The following GJA3 variants were observed in gnomAD, a reference collection of about 807,000 sequenced individuals.
The protein encoded by GJA3 is gap junction protein alpha 3.
For missense variants in GJA3, 571 were observed against 620.3 expected, an observed-to-expected ratio of 0.92 and a Z score of 0.84; for synonymous variants, 297 against 292.6, an observed-to-expected ratio of 1.02 and a Z score of -0.15.
chr13:20,148,550 C>T lies in GJA3; in HGVS notation c.-17-5245G>A, dbSNP rs565378221. ...CTGGGATTACAGGTGTGAGCCACCG[C>T]GCCCAGCCTGATATCACTTTGTAAT... On this transcript the variant is annotated intron_variant, in intron 1 of 1. Transcript: ENST00000241125. Among the ~76,000 whole-genome samples the T allele has an allele frequency of 1.1e-4, 16 of 152,272 alleles. No individual in the cohort carries two copies. The South Asian group carries it at 2.9e-3, about 28-fold the overall frequency.
chr13:20,142,584 G>A lies in GJA3; in HGVS notation c.705C>T (p.Thr235=). 6.2e-7 allele frequency: 1 copy of A among 1,607,474 alleles called. No individual in the cohort carries two copies. Among genetic ancestry groups the A allele is most frequent in the Non-Finnish European group, 8.5e-7 (1 of 1,177,510 alleles). Reference sequence around the variant, plus strand: ...CGGAGGCGTCCGGGCCGAGGCGGCTGGTCACGCCCTGCTTGAGCTTCTTCC... The same window carrying A: ...CGGAGGCGTCCGGGCCGAGGCGGCTAGTCACGCCCTGCTTGAGCTTCTTCC... ...LGWKKLKQGV[T]SRLGPDASEA... The change falls in exon 2 of 2, where the codon ACC becomes ACT. Residue 235 remains threonine (T), a synonymous_variant. Coordinates refer to ENST00000241125, the MANE Select transcript of GJA3 (RefSeq NM_021954.4).
chr13:20,155,197 T>C (rs1240123993), intron 1 of GJA3, among the ~76,000 whole-genome samples: 1 of 152,190 alleles, frequency 6.6e-6, no homozygotes, highest in Admixed American at 6.6e-5. Context: ...TTCAATTTGC[T>C]ACTACTTTAT....
At chr13:20,157,282 A>C (rs965986432) in intron 1 of GJA3, among the ~76,000 whole-genome samples, 5 of 152,218 alleles carry the variant, frequency 3.3e-5, no homozygotes, top group African/African-American at 4.8e-5. Flanking sequence ...GGCTTTTGTC[A>C]TGTCTAAAAC....
At chr13:20,149,965 T>C (rs1958867083) in intron 1 of GJA3, among the ~76,000 whole-genome samples, 1 of 152,094 alleles carries the variant, frequency 6.6e-6, no homozygotes, top group South Asian at 2.1e-4. Flanking sequence ...CGTGGTAATC[T>C]CGGAGTGAGT....
chr13:20,146,309 G>A (rs1048919524), intron 1 of GJA3, among the ~76,000 whole-genome samples: 3 of 152,206 alleles, frequency 2.0e-5, no homozygotes, highest in African/African-American at 2.4e-5. Flanking sequence ...ATGTTCTGCC[G>A]TGTTTGGGGT....
At chr13:20,160,173 TTTG>T (rs1350990964) in intron 1 of GJA3, among the ~76,000 whole-genome samples, 2 of 152,142 alleles carry the variant, frequency 1.3e-5, no homozygotes, top group Non-Finnish European at 2.9e-5. Flanking sequence ...GTCACTGCCG[TTTG>T]TTTTCTCAAG....
rs993609660 is a variant in GJA3 at position 20,139,681 on chromosome 13, T to C, written c.*2300A>G. 5.3e-5 allele frequency: 8 copies of C among 152,198 alleles called. No homozygotes were observed. Among genetic ancestry groups the C allele is most frequent in the Non-Finnish European group, 2.9e-5 (2 of 68,038 alleles). 9.4% of individuals were successfully genotyped at this position (152,198 alleles called of 1,614,324 possible). A position where few individuals can be genotyped will look rare whatever the true frequency, so the allele number is the denominator to read the frequency against. On this transcript the variant is annotated 3_prime_UTR_variant, in exon 2 of 2. Coordinates refer to ENST00000241125, the MANE Select transcript of GJA3 (RefSeq NM_021954.4). Reference sequence around the variant, plus strand: ...CAAGTAGGTGAATCTAATTCTACACTCCTATCCACTCTAAATGGACCCACT... The same window carrying C: ...CAAGTAGGTGAATCTAATTCTACACCCCTATCCACTCTAAATGGACCCACT...
chr13:20,156,590 G>C (rs1470074847), intron 1 of GJA3, among the ~76,000 whole-genome samples: 1 of 152,170 alleles, frequency 6.6e-6, no homozygotes, highest in East Asian at 1.9e-4. Flanking sequence ...GGGATCATAG[G>C]CATGAGCCAC....
Position 20,142,436 on chromosome 13 carries a change from C to T in GJA3, c.853G>A (p.Val285Met), listed in dbSNP as rs1280877525. 2 of 1,499,984 alleles carry T rather than the reference C, an allele frequency of 1.3e-6. No homozygotes were observed. The highest frequency in any genetic ancestry group is 1.8e-6 in the Non-Finnish European group (2 of 1,124,620). 92.9% of individuals were successfully genotyped at this position (1,499,984 alleles called of 1,614,324 possible). A position where few individuals can be genotyped will look rare whatever the true frequency, so the allele number is the denominator to read the frequency against. Reference sequence around the variant, plus strand: ...GGTGGCGGGGCCCCGGGGTAGCCCACGGCGCGGGCCTGTCCCAGGGGCGCA... The same window carrying T: ...GGTGGCGGGGCCCCGGGGTAGCCCATGGCGCGGGCCTGTCCCAGGGGCGCA... ...TAAPLGQARA[V>M]GYPGAPPPAA... Residue 285 changes from valine (V) to methionine (M), a missense_variant, in exon 2 of 2, where the codon GTG becomes ATG. Val to Met is a conservative substitution (Grantham distance 21). Coordinates refer to ENST00000241125, the MANE Select transcript of GJA3 (RefSeq NM_021954.4).
chr13:20,146,634 C>A (rs1958844489), intron 1 of GJA3, among the ~76,000 whole-genome samples: 1 of 152,246 alleles, frequency 6.6e-6, no homozygotes, highest in Non-Finnish European at 1.5e-5. Flanking sequence ...GTTTCCTGAA[C>A]AGGAGCATCC....
intron 1 of GJA3, among the ~76,000 whole-genome samples, chr13:20,145,295 T>C (rs1958835457): frequency 6.6e-6 from 1 of 152,176 alleles, no homozygotes; most frequent in African/African-American, 2.4e-5. Flanking sequence ...AACTCTCCCT[T>C]AGAACAAACT....
In GJA3 at chr13:20,142,038, G is replaced by A; in HGVS notation, c.1251C>T (p.Ala417=). Reference sequence around the variant, plus strand: ...CGCTGCTGGCCCTGCTGGCCTTGCTGGCCCGACCTGGGTCTCCGAGGGGCA... The same window carrying A: ...CGCTGCTGGCCCTGCTGGCCTTGCTAGCCCGACCTGGGTCTCCGAGGGGCA... ...PPLPLGDPGR[A]SKASRASSGR... The change falls in exon 2 of 2, where the codon GCC becomes GCT. Residue 417 remains alanine (A), a synonymous_variant. Coordinates refer to ENST00000241125, the MANE Select transcript of GJA3 (RefSeq NM_021954.4). 6.5e-7 allele frequency: 1 copy of A among 1,550,344 alleles called. No homozygotes were observed. The highest frequency in any genetic ancestry group is 8.7e-7 in the Non-Finnish European group (1 of 1,146,840).
In GJA3 at chr13:20,142,271, G is replaced by T; in HGVS notation, c.1018C>A (p.Leu340Ile). The T allele has an allele frequency of 6.4e-7, 1 of 1,562,902 alleles. No individual in the cohort carries two copies. Among genetic ancestry groups the T allele is most frequent in the Non-Finnish European group, 8.6e-7 (1 of 1,157,566 alleles). Residue 340 changes from leucine to isoleucine, a missense_variant, in exon 2 of 2, where the codon CTC becomes ATC. Coordinates refer to ENST00000241125, the MANE Select transcript of GJA3 (RefSeq NM_021954.4). ...GTGGACGCTGCCGGGTAAGCCTTGA[G>T]CGCCGGGGGCTGCCGCTCGGCCGCC... The part of the protein sequence containing the change: ...NQAAERQPPA[L>I]KAYPAASTPA...
Position 20,138,835 on chromosome 13 carries a change from TAAAG to T in GJA3, c.*3142_*3145del, listed in dbSNP as rs1209289338. 3 of 152,168 alleles carry T rather than the reference TAAAG, an allele frequency of 2.0e-5. No homozygotes were observed. Among genetic ancestry groups the T allele is most frequent in the Admixed American group, 6.5e-5 (1 of 15,276 alleles). 9.4% of individuals were successfully genotyped at this position (152,168 alleles called of 1,614,324 possible). A position where few individuals can be genotyped will look rare whatever the true frequency, so the allele number is the denominator to read the frequency against. On this transcript the variant is annotated 3_prime_UTR_variant, in exon 2 of 2. Transcript: ENST00000241125. The stretch of plus-strand genomic sequence containing the variant: ...AAGGAGTTTATTCAGTAATACAAAA[TAAAG>T]AAAGTGTTAATAATACTTTTTAAAA...
rs12427963 is a variant in GJA3, at chr13:20,140,724, C to T, written c.*1257G>A. ...GGGGCATACAGCCTGCATGAGCACG[C>T]GCCCTCCCCCAGGCAGGGATCCCCA... On this transcript the variant is annotated 3_prime_UTR_variant, in exon 2 of 2. Transcript: ENST00000241125. 0.23 allele frequency: 34,359 copies of T among 152,168 alleles called. 4,534 individuals carry two copies. The highest frequency in any genetic ancestry group is 0.44 in the East Asian group (2,284 of 5,178). The allele number at this position is 152,168 out of a possible 1,614,324, so 9.4% of individuals were successfully genotyped here. A position where few individuals can be genotyped will look rare whatever the true frequency, so the allele number is the denominator to read the frequency against.
At chr13:20,153,493 T>C (rs974834774) in intron 1 of GJA3, among the ~76,000 whole-genome samples, 1 of 152,152 alleles carries the variant, frequency 6.6e-6, no homozygotes, top group Non-Finnish European at 1.5e-5. Flanking sequence ...GGGACATGGA[T>C]GAAGCTAGAA....
intron 1 of GJA3, among the ~76,000 whole-genome samples, chr13:20,146,547 T>C (rs1958843960): frequency 6.6e-6 from 1 of 152,194 alleles, no homozygotes; most frequent in Admixed American, 6.5e-5. Flanking sequence ...ACAAGAATGA[T>C]GACCAGCCAC....
Position 20,141,823 on chromosome 13 carries a change from G to A in GJA3, c.*158C>T, listed in dbSNP as rs1265931190. The A allele has an allele frequency of 3.7e-6, 4 of 1,093,784 alleles. No homozygotes were observed. Among genetic ancestry groups the A allele is most frequent in the East Asian group, 2.7e-5 (1 of 37,260 alleles). 67.8% of individuals were successfully genotyped at this position (1,093,784 alleles called of 1,614,324 possible). A position where few individuals can be genotyped will look rare whatever the true frequency, so the allele number is the denominator to read the frequency against. ...GCTAAGAACAGCAAGCATTGAACAC[G>A]GAAACCTGATCTCTCCTCCATCGTC... On this transcript the variant is annotated 3_prime_UTR_variant, in exon 2 of 2. Transcript: ENST00000241125.
At chr13:20,153,801 TAA>T (rs11300208) in intron 1 of GJA3, among the ~76,000 whole-genome samples, 27 of 146,282 alleles carry the variant, frequency 1.8e-4, no homozygotes, top group African/African-American at 4.5e-4. Flanking sequence ...AAAATTAAAT[TAA>T]AAAAAAAAAA....
Sources: allele counts gnomAD v4.1 joint callset (sites outside exome capture counted in the v4.1 genomes callset), GRCh38; gene constraint gnomAD v4.1.1; transcripts MANE v1.5; gene names NCBI Gene and HGNC (gene_info 2026-07-23, HGNC 2026-07-21).